Variants in LLGL2 observed in about 807,000 individuals in gnomAD.
LLGL2 encodes the protein LLGL2, scribble cell polarity complex component.
In LLGL2, 81 loss-of-function variants were observed where a neutral mutation model predicts 123.2. The observed-to-expected ratio is 0.66, with a 90% CI of 0.55 to 0.79. The LOEUF is 0.79. Among genes scored for constraint, LLGL2 ranks in the 30% least tolerant of loss-of-function variants. LLGL2 has a pLI of 0.00. For missense variants in LLGL2, 1,273 were observed against 1,414.6 expected (o/e 0.90, Z 1.61); for synonymous variants, 577 against 594.1 (o/e 0.97, Z 0.42).
chr17:75,568,486 C>T lies in LLGL2; in HGVS notation c.1047C>T (p.Asp349=), dbSNP rs756261649. The stretch of plus-strand genomic sequence containing the variant: ...TGCCCTGTACCCCAGCCTTTGACGA[C>T]CCCTATGCCCTGGTGGTGCTGGCTG... ...TEADPAATFD[D]PYALVVLAEE... The change falls in exon 11 of 26, where the codon GAC becomes GAT. Residue 349 remains aspartate (D), a synonymous_variant. Coordinates refer to ENST00000392550, the MANE Select transcript of LLGL2 (RefSeq NM_001031803.2). 1 of 1,612,594 alleles carries T rather than the reference C, an allele frequency of 6.2e-7. No homozygotes were observed. Among genetic ancestry groups the T allele is most frequent in the Non-Finnish European group, 8.5e-7 (1 of 1,179,936 alleles).
intron 1 of LLGL2, among the ~76,000 whole-genome samples, chr17:75,530,355 A>T (rs547842281): frequency 6.6e-6 from 1 of 152,276 alleles, no homozygotes; most frequent in East Asian, 1.9e-4. Flanking sequence ...TTTTTAAAAA[A>T]TTAGCTGGGC....
Position 75,570,197 on chromosome 17 carries a change from G to A in LLGL2, c.1816G>A (p.Gly606Ser), listed in dbSNP as rs2055633899. ...LHSEWRLVAF[G>S]TSHGFGLFDH... ...CTCTGAGTGGCGGCTCGTGGCCTTC[G>A]GCACCAGCCATGGCTTTGGCCTCTT... Residue 606 changes from glycine to serine, a missense_variant, in exon 15 of 26, where the codon GGC (glycine) becomes AGC (serine). Coordinates refer to ENST00000392550, the MANE Select transcript of LLGL2 (RefSeq NM_001031803.2). 3.1e-6 allele frequency: 5 copies of A among 1,589,300 alleles called. No individual in the cohort carries two copies. Among genetic ancestry groups the A allele is most frequent in the Non-Finnish European group, 4.3e-6 (5 of 1,170,472 alleles).
At chr17:75,555,817 G>A (rs373729540) in intron 2 of LLGL2, among the ~76,000 whole-genome samples, 1 of 152,316 alleles carries the variant, frequency 6.6e-6, no homozygotes, top group East Asian at 1.9e-4. Context: ...TGGTGTCGGG[G>A]AAGATCAGCT....
chr17:75,553,291 G>A (rs371130689), intron 2 of LLGL2, among the ~76,000 whole-genome samples: 2 of 152,330 alleles, frequency 1.3e-5, no homozygotes. Context: ...GGCAGGCCCT[G>A]TTCCTAGCAA....
chr17:75,558,284 C>G lies in LLGL2; in HGVS notation c.255+48C>G, dbSNP rs1489259486. ...GGAAGCCACTTCCATGCCCTCCTTG[C>G]CTTCACTGCTTCCAGCAGGGCTGGT... On this transcript the variant is annotated intron_variant, in intron 4 of 25. Coordinates refer to ENST00000392550, the MANE Select transcript of LLGL2 (RefSeq NM_001031803.2). The surrounding 1 kb of genome is among the most constrained non-coding windows in gnomAD (Gnocchi z 4.0). 2 of 1,538,170 alleles carry G rather than the reference C, an allele frequency of 1.3e-6. No homozygotes were observed. Among genetic ancestry groups the G allele is most frequent in the Non-Finnish European group, 1.8e-6 (2 of 1,118,656 alleles).
intron 1 of LLGL2, among the ~76,000 whole-genome samples, chr17:75,529,809 C>T (rs1404300649): frequency 6.6e-6 from 1 of 151,788 alleles, no homozygotes; most frequent in East Asian, 2.0e-4. Flanking sequence ...TGCAGTGAGC[C>T]GAGATCGCGC....
rs2054904196 is a variant in LLGL2 at position 75,556,136 on chromosome 17, A to G, written c.166A>G (p.Ile56Val). 6.2e-7 allele frequency: 1 copy of G among 1,609,538 alleles called. No individual in the cohort carries two copies. The highest frequency in any genetic ancestry group is 1.6e-4 in the Middle Eastern group (1 of 6,062). The change falls in exon 3 of 26, where the codon ATC becomes GTC. Residue 56 changes from isoleucine (I) to valine (V), a missense_variant. Physicochemically the swap from Ile to Val is conservative, Grantham distance 29. Transcript: ENST00000392550. ...ILAIGTRSGA[I>V]KLYGAPGVEF... ...GGCCATCGGCACCCGTTCTGGAGCC[A>G]TCAAGCTGTATCCTCCGTCCCCTCG... is the stretch of plus-strand genomic sequence containing the variant.
At chr17:75,573,917 G>C in intron 21 of LLGL2, 35 bp from the exon 22 acceptor site, 1 of 1,549,166 alleles carries the variant, frequency 6.5e-7, no homozygotes, top group Admixed American at 2.0e-5. Flanking sequence ...CAGGGAGCCC[G>C]GGGGCCCTGG....
At chr17:75,568,944 CCT>C in intron 12 of LLGL2, 32 bp from the exon 13 acceptor site, 2 of 1,594,868 alleles carry the variant, frequency 1.3e-6, no homozygotes, top group Non-Finnish European at 8.6e-7. Flanking sequence ...GGCTGGCATC[CCT>C]CTCACGCCTG....
chr17:75,573,866 A>G, intron 21 of LLGL2, 86 bp from the exon 22 acceptor site: 9 of 1,474,058 alleles, frequency 6.1e-6, no homozygotes, highest in Non-Finnish European at 7.4e-6. Context: ...AGGCTGCGCC[A>G]TTGACTTGTT....
chr17:75,573,032 G>GT lies in LLGL2; in HGVS notation c.2480dup (p.Ser828GlufsTer92). 1 of 1,609,686 alleles carries GT rather than the reference G, an allele frequency of 6.2e-7. No homozygotes were observed. Among genetic ancestry groups the GT allele is most frequent in the Admixed American group, 1.7e-5 (1 of 59,914 alleles). The stretch of plus-strand genomic sequence containing the variant: ...CCCCCAGGTGTTCACGCTGCCCAAG[G>GT]TGAGTGCCAAGCTGAAGTTGAAGCT... On this transcript the variant is annotated frameshift_variant, in exon 20 of 26. Transcript: ENST00000392550. LOFTEE classifies it high-confidence loss of function.
intron 1 of LLGL2, among the ~76,000 whole-genome samples, chr17:75,537,474 A>T (rs1008051202): frequency 9.9e-5 from 15 of 152,108 alleles, no homozygotes; most frequent in Non-Finnish European, 2.2e-4. Flanking sequence ...TGGGCAGATC[A>T]CTTGAGATCA....
intron 1 of LLGL2, among the ~76,000 whole-genome samples, chr17:75,528,892 C>G (rs760070109): frequency 2.6e-5 from 4 of 152,150 alleles, no homozygotes; most frequent in Non-Finnish European, 5.9e-5. Flanking sequence ...GGCAAGGTGG[C>G]TTATGCCTGT....
At chr17:75,528,444 T>G (rs2053653936) in intron 1 of LLGL2, among the ~76,000 whole-genome samples, 1 of 151,612 alleles carries the variant, frequency 6.6e-6, no homozygotes. Context: ...ACCGCAACAT[T>G]AAAAGAAAAA....
At position 75,569,050 on chromosome 17, in the gene LLGL2, T is replaced by C; in HGVS notation, c.1395T>C (p.Thr465=). ...VCLRLLYKLS[T]VRVFLTDTDP... ...TGCGGCTGCTCTACAAACTCAGCAC[T>C]GTGCGCGTGTTCCTCACCGACACGG... The change falls in exon 13 of 26, where the codon ACT becomes ACC. Residue 465 remains threonine (T), a synonymous_variant. Transcript: ENST00000392550. The C allele has an allele frequency of 1.2e-6, 2 of 1,612,800 alleles. No individual in the cohort carries two copies. The highest frequency in any genetic ancestry group is 1.7e-6 in the Non-Finnish European group (2 of 1,179,656).
At position 75,544,570 on chromosome 17, in the gene LLGL2, A is replaced by G. The variant is rs2054342494; in HGVS notation, c.75+1069A>G. Among the ~76,000 whole-genome samples, 3 of 152,218 alleles carry G rather than the reference A, an allele frequency of 2.0e-5. No homozygotes were observed. Among genetic ancestry groups the G allele is most frequent in the Admixed American group, 6.5e-5 (1 of 15,282 alleles). ...GCCGTGTGCCTGTCGCCCACACCAT[A>G]GGCTTGTTAAGGGCGTACGTGGGGT... On this transcript the variant is annotated intron_variant, in intron 2 of 25. Coordinates refer to ENST00000392550, the MANE Select transcript of LLGL2 (RefSeq NM_001031803.2). This position sits in a 1 kb window ranked among gnomAD's most constrained non-coding sequence, Gnocchi z 4.2.
intron 1 of LLGL2, among the ~76,000 whole-genome samples, chr17:75,542,000 G>GGATT (rs1246433017): frequency 1.3e-5 from 2 of 151,752 alleles, no homozygotes; most frequent in Non-Finnish European, 2.9e-5. Context: ...CAAAGTGCTG[G>GGATT]GATTACAAGA....
chr17:75,568,880 T>G, intron 12 of LLGL2, 41 bp downstream of exon 12: 1 of 1,564,274 alleles, frequency 6.4e-7, no homozygotes, highest in Non-Finnish European at 8.7e-7. Context: ...CCCAGTAGGA[T>G]ATGTGGGGTG....
In LLGL2 at chr17:75,574,671, G is replaced by A. The variant is rs780549229; in HGVS notation, c.3055+3G>A. On this transcript the variant is annotated splice_donor_region_variant and intron_variant, in intron 25 of 25. Transcript: ENST00000392550. Reference sequence around the variant, plus strand: ...GTGCAGCCTCAGCAATGGCGGAGGTGGGGGCTCTGGGCTTGAGTGCAGCTG... The same window carrying A: ...GTGCAGCCTCAGCAATGGCGGAGGTAGGGGCTCTGGGCTTGAGTGCAGCTG... 1.2e-6 allele frequency: 2 copies of A among 1,610,470 alleles called. No homozygotes were observed. The highest frequency in any genetic ancestry group is 1.7e-6 in the Non-Finnish European group (2 of 1,179,210).
Sources: allele counts gnomAD v4.1 joint callset (sites outside exome capture counted in the v4.1 genomes callset), GRCh38; gene constraint gnomAD v4.1.1; non-coding constraint Gnocchi (gnomAD v3.1); transcripts MANE v1.5; gene names NCBI Gene and HGNC (gene_info 2026-07-23, HGNC 2026-07-21).